The following TSPAN5 variants were observed in gnomAD, a reference collection of about 807,000 sequenced individuals.
The protein encoded by TSPAN5 is tetraspanin-5.
Under a neutral mutation model 37.1 loss-of-function variants are expected in TSPAN5, and 10 were observed. That is an observed-to-expected ratio of 0.27 (90% confidence interval 0.17 to 0.46). The LOEUF (loss-of-function observed/expected upper bound fraction) is 0.46, where lower values mean the gene tolerates loss of function less well. TSPAN5 is among the 20% of genes least tolerant of loss of function. The pLI is 1.00. For missense variants in TSPAN5, 195 were observed against 326.6 expected, an observed-to-expected ratio of 0.60 and a Z score of 3.11; for synonymous variants, 110 against 118.9, an observed-to-expected ratio of 0.93 and a Z score of 0.48.
intron 2 of TSPAN5, among the ~76,000 whole-genome samples, chr4:98,490,783 C>T (rs879305756): frequency 3.9e-5 from 6 of 151,920 alleles, no homozygotes; most frequent in Non-Finnish European, 7.4e-5. Flanking sequence ...TGTATTGGCC[C>T]GGCTTGATGG....
chr4:98,478,833 A>G, intron 4 of TSPAN5, 23 bp from the exon 5 acceptor site: 1 of 1,610,606 alleles, frequency 6.2e-7, no homozygotes. Flanking sequence ...GGAAAGAATT[A>G]GAACATCCCA....
intron 2 of TSPAN5, chr4:98,496,515 T>C (rs1362105026): frequency 6.6e-6 from 1 of 152,230 alleles, no homozygotes; most frequent in Non-Finnish European, 1.5e-5. Flanking sequence ...AAGTAATCCT[T>C]TTTTTGCAGA....
chr4:98,601,975 C>T (rs752782230), intron 1 of TSPAN5, among the ~76,000 whole-genome samples: 1 of 152,122 alleles, frequency 6.6e-6, no homozygotes, highest in African/African-American at 2.4e-5. Context: ...AATGGCCAGT[C>T]GGTGGAGCAG....
chr4:98,516,091 G>A (rs1753723210), intron 1 of TSPAN5, among the ~76,000 whole-genome samples: 1 of 152,148 alleles, frequency 6.6e-6, no homozygotes, highest in Admixed American at 6.5e-5. Flanking sequence ...AAGAACGTGG[G>A]ATACAAATGA....
chr4:98,533,473 T>C (rs1456649778), intron 1 of TSPAN5, among the ~76,000 whole-genome samples: 3 of 151,262 alleles, frequency 2.0e-5, no homozygotes, highest in African/African-American at 4.9e-5. Context: ...TTTATTTGCA[T>C]AGAGGTGTTT....
chr4:98,506,896 G>T (rs1753487541), intron 2 of TSPAN5, among the ~76,000 whole-genome samples: 1 of 151,986 alleles, frequency 6.6e-6, no homozygotes, highest in African/African-American at 2.4e-5. Context: ...GAGGGGGCGG[G>T]TGTTTATATT....
chr4:98,473,621 G>A (rs1416126718), intron 7 of TSPAN5, among the ~76,000 whole-genome samples: 5 of 151,876 alleles, frequency 3.3e-5, no homozygotes, highest in East Asian at 1.9e-4. Flanking sequence ...CACCGCGCCC[G>A]GCTAATTTTT....
chr4:98,584,312 A>G (rs551195649), intron 1 of TSPAN5, among the ~76,000 whole-genome samples: 3 of 152,354 alleles, frequency 2.0e-5, no homozygotes, highest in African/African-American at 7.2e-5. Context: ...AATCATTCCC[A>G]TTATATGCAA....
intron 2 of TSPAN5, among the ~76,000 whole-genome samples, chr4:98,492,215 C>G (rs903437811): frequency 6.6e-6 from 1 of 152,196 alleles, no homozygotes; most frequent in African/African-American, 2.4e-5. Context: ...GCACCTTTCT[C>G]TAGTGGCTGA....
In TSPAN5 at chr4:98,525,916, G is replaced by A. The variant is rs1022497666; in HGVS notation, c.82-18188C>T. Reference sequence around the variant, plus strand: ...CTGTATCTGTATAATTAAGATATAAGTATTCCATTCTTGTCTGTATACTAT... The same window carrying A: ...CTGTATCTGTATAATTAAGATATAAATATTCCATTCTTGTCTGTATACTAT... On this transcript the variant is annotated intron_variant, in intron 1 of 7. Transcript: ENST00000305798. Among the ~76,000 whole-genome samples the A allele has an allele frequency of 6.6e-5, 10 of 152,260 alleles. No homozygotes were observed. In the East Asian group the frequency reaches 1.5e-3, roughly 23 times the overall value.
At chr4:98,514,416 C>A (rs1248536886) in intron 1 of TSPAN5, among the ~76,000 whole-genome samples, 1 of 152,102 alleles carries the variant, frequency 6.6e-6, no homozygotes, top group Non-Finnish European at 1.5e-5. Context: ...AATAAAAAAA[C>A]CTCTGGGGAT....
chr4:98,634,156 A>G (rs1292191435), intron 1 of TSPAN5, among the ~76,000 whole-genome samples: 1 of 152,178 alleles, frequency 6.6e-6, no homozygotes, highest in African/African-American at 2.4e-5. Flanking sequence ...TGTTTATATC[A>G]TACTCTCCAT....
intron 1 of TSPAN5, among the ~76,000 whole-genome samples, chr4:98,532,820 T>C (rs1754126672): frequency 6.6e-6 from 1 of 152,240 alleles, no homozygotes; most frequent in Non-Finnish European, 1.5e-5. Context: ...TGATATTGGC[T>C]GTGGGTTTGT....
At chr4:98,495,631 C>G (rs1578945984) in intron 2 of TSPAN5, among the ~76,000 whole-genome samples, 1 of 152,068 alleles carries the variant, frequency 6.6e-6, no homozygotes, top group East Asian at 1.9e-4. Flanking sequence ...AGCTTCTTCC[C>G]CATGCTTCTG....
intron 1 of TSPAN5, among the ~76,000 whole-genome samples, chr4:98,631,741 T>C (rs539844689): frequency 6.6e-6 from 1 of 152,282 alleles, no homozygotes; most frequent in South Asian, 2.1e-4. Context: ...GACCCAGCAA[T>C]TTGAAAGTGC....
At chr4:98,592,900 G>A (rs1279553625) in intron 1 of TSPAN5, among the ~76,000 whole-genome samples, 4 of 146,336 alleles carry the variant, frequency 2.7e-5, no homozygotes, top group Admixed American at 1.4e-4. Flanking sequence ...ATAAACATAC[G>A]TGTGCATGTG....
At chr4:98,577,064 T>C (rs1755255553) in intron 1 of TSPAN5, among the ~76,000 whole-genome samples, 1 of 152,150 alleles carries the variant, frequency 6.6e-6, no homozygotes. Flanking sequence ...CCCGGCCATA[T>C]TTACTGCATT....
intron 2 of TSPAN5, among the ~76,000 whole-genome samples, chr4:98,506,967 C>G (rs559487131): frequency 5.3e-5 from 8 of 152,126 alleles, no homozygotes; most frequent in Admixed American, 4.6e-4. Flanking sequence ...TTAGAAGGTG[C>G]GATGGGAAGG....
chr4:98,518,906 T>C (rs1753796220), intron 1 of TSPAN5, among the ~76,000 whole-genome samples: 1 of 152,244 alleles, frequency 6.6e-6, no homozygotes, highest in Non-Finnish European at 1.5e-5. Context: ...CATAGCTGTA[T>C]GTGTTATGGG....
Sources: gnomAD v4.1 joint callset for allele counts (sites outside exome capture counted in the v4.1 genomes callset) on GRCh38, gnomAD v4.1.1 for gene constraint, MANE v1.5 for transcripts, NCBI Gene and HGNC (gene_info 2026-07-23, HGNC 2026-07-21) for gene names.